The following C6orf163 variants were observed in gnomAD, a reference collection of about 807,000 sequenced individuals.
C6orf163 encodes the protein chromosome 6 open reading frame 163, also known as uncharacterized protein C6orf163.
A neutral mutation model predicts 28.4 loss-of-function variants in C6orf163; 22 were observed. The observed-to-expected ratio is 0.78, with a 90% CI of 0.55 to 1.11. The LOEUF is 1.11. C6orf163 is among the 50% of genes least tolerant of loss of function. The pLI is 0.00. For synonymous variants in C6orf163, 110 were observed against 123.6 expected (o/e 0.89, Z 0.73); for missense variants, 342 against 389.1 (o/e 0.88, Z 1.02).
chr6:87,364,152 G>A (rs190805410), intron 4 of C6orf163, among the ~76,000 whole-genome samples: 47 of 152,088 alleles, frequency 3.1e-4, no homozygotes, highest in Non-Finnish European at 1.6e-4. Flanking sequence ...GGGTGTAGTC[G>A]TGCACACCTG....
At chr6:87,356,059 C>A (rs576082842) in intron 3 of C6orf163, 2 of 449,498 alleles carry the variant, frequency 4.4e-6, no homozygotes, top group East Asian at 3.6e-5. Flanking sequence ...TTTCTTTTTT[C>A]CATATTCCCT....
At chr6:87,364,920 G>T in intron 4 of C6orf163, 41 bp from the exon 5 acceptor site, 1 of 1,428,726 alleles carries the variant, frequency 7.0e-7, no homozygotes, top group South Asian at 1.4e-5. Flanking sequence ...GTTTTTAGTG[G>T]CCAATCCATC....
chr6:87,358,096 T>C (rs1485770355), intron 4 of C6orf163: 1 of 152,190 alleles, frequency 6.6e-6, no homozygotes, highest in Non-Finnish European at 1.5e-5. Flanking sequence ...CTCTGTTCTT[T>C]AGAGAATTTG....
intron 3 of C6orf163, among the ~76,000 whole-genome samples, chr6:87,351,472 G>A (rs1057102027): frequency 2.0e-5 from 3 of 152,224 alleles, no homozygotes; most frequent in African/African-American, 7.2e-5. Flanking sequence ...AGGAAGGGGA[G>A]CTCCTCCCCA....
intron 1 of C6orf163, among the ~76,000 whole-genome samples, chr6:87,345,916 C>CAAAAAAAAAAAAAA (rs3044136): frequency 1.3e-4 from 6 of 44,642 alleles, no homozygotes; most frequent in African/African-American, 4.1e-4. Context: ...GACTCTGCCT[C>CAAAAAAAAAAAAAA]AAAAAAAAAA....
At chr6:87,348,392 A>G (rs779432360) in intron 1 of C6orf163, 19 of 988,868 alleles carry the variant, frequency 1.9e-5, no homozygotes, top group South Asian at 1.4e-4. Context: ...AAGGCATGTA[A>G]TGTGAAGGCA....
intron 1 of C6orf163, among the ~76,000 whole-genome samples, chr6:87,346,319 C>G (rs1016164538): frequency 3.3e-5 from 5 of 152,122 alleles, no homozygotes; most frequent in African/African-American, 1.2e-4. Flanking sequence ...GAATCATCTT[C>G]TAAAAACATC....
intron 4 of C6orf163, among the ~76,000 whole-genome samples, chr6:87,361,432 A>G (rs1414348503): frequency 6.6e-6 from 1 of 152,164 alleles, no homozygotes; most frequent in African/African-American, 2.4e-5. Context: ...ACATTATTGG[A>G]TCACTTTTGC....
chr6:87,353,872 G>T (rs1777456958), intron 3 of C6orf163, among the ~76,000 whole-genome samples: 1 of 152,156 alleles, frequency 6.6e-6, no homozygotes, highest in Non-Finnish European at 1.5e-5. Flanking sequence ...CTTTTCTTTT[G>T]AAATGGAGTC....
chr6:87,358,593 C>G (rs148593288), intron 4 of C6orf163: 2 of 140,026 alleles, frequency 1.4e-5, no homozygotes, highest in African/African-American at 5.4e-5. Flanking sequence ...GGCGACAGAG[C>G]GAGACTTGTC....
intron 3 of C6orf163, among the ~76,000 whole-genome samples, chr6:87,355,018 C>G (rs527982144): frequency 6.6e-6 from 1 of 152,238 alleles, no homozygotes; most frequent in Non-Finnish European, 1.5e-5. Context: ...CCTTTCTATT[C>G]TGGGTAAGAT....
intron 4 of C6orf163, chr6:87,357,787 C>G (rs1777527807): frequency 6.6e-6 from 1 of 152,218 alleles, no homozygotes; most frequent in Non-Finnish European, 1.5e-5. Context: ...CCCTCTCTTG[C>G]TAGATTGTTT....
intron 1 of C6orf163, among the ~76,000 whole-genome samples, chr6:87,346,237 T>C (rs1472340041): frequency 6.6e-6 from 1 of 152,094 alleles, no homozygotes; most frequent in Non-Finnish European, 1.5e-5. Context: ...CTCCTGATAT[T>C]TGAAAATATA....
chr6:87,352,725 T>C (rs1777435200), intron 3 of C6orf163, among the ~76,000 whole-genome samples: 1 of 152,214 alleles, frequency 6.6e-6, no homozygotes. Flanking sequence ...TGTGCAATTA[T>C]CACTGATTGG....
chr6:87,346,792 A>G (rs979488212), intron 1 of C6orf163, among the ~76,000 whole-genome samples: 1 of 150,656 alleles, frequency 6.6e-6, no homozygotes, highest in African/African-American at 2.4e-5. Flanking sequence ...AGGACTAAGC[A>G]TGTGTATTTT....
In C6orf163 at chr6:87,348,613, A is replaced by G. The variant is rs114666190; in HGVS notation, c.149-199A>G. The G allele has an allele frequency of 4.2e-4, 570 of 1,355,534 alleles. 1 individual carries two copies. The African/African-American group carries it at 7.3e-3, about 17-fold the overall frequency. 84.0% of individuals were successfully genotyped at this position (1,355,534 alleles called of 1,614,324 possible). On this transcript the variant is annotated intron_variant, in intron 1 of 4. Coordinates refer to ENST00000388923, the MANE Select transcript of C6orf163 (RefSeq NM_001010868.3). ...ATGAGGGGAATGACCAACTCTATCC[A>G]GGCCTGACAGTGCTGTGAATTCCCT...
intron 2 of C6orf163, among the ~76,000 whole-genome samples, chr6:87,349,193 TC>T (rs1354578612): frequency 6.6e-6 from 1 of 152,234 alleles, no homozygotes; most frequent in Non-Finnish European, 1.5e-5. Context: ...TCCTTCCTTC[TC>T]AGCTGCCCTC....
At chr6:87,345,780 G>A (rs1338452640) in intron 1 of C6orf163, among the ~76,000 whole-genome samples, 2 of 152,066 alleles carry the variant, frequency 1.3e-5, no homozygotes, top group South Asian at 2.1e-4. Context: ...AAGCAGGCAT[G>A]GTGGCATGCG....
In C6orf163 at chr6:87,344,993, C is replaced by G; in HGVS notation, c.-107C>G. ...CAGCCTCTAGCATTATCCTAAAACC[C>G]TGAACCTCTTCCAGCTTTCTTAAAC... On this transcript the variant is annotated 5_prime_UTR_variant, in exon 1 of 5. Transcript: ENST00000388923. 1.1e-6 allele frequency: 1 copy of G among 892,448 alleles called. No individual in the cohort carries two copies. The highest frequency in any genetic ancestry group is 1.7e-6 in the Non-Finnish European group (1 of 601,740). The allele number at this position is 892,448 out of a possible 1,614,324, so 55.3% of individuals were successfully genotyped here.
Sources: allele counts gnomAD v4.1 joint callset (sites outside exome capture counted in the v4.1 genomes callset), GRCh38; gene constraint gnomAD v4.1.1; transcripts MANE v1.5; gene names NCBI Gene and HGNC (gene_info 2026-07-23, HGNC 2026-07-21).